Variants in PHTF2 observed in about 807,000 individuals in gnomAD.
The protein encoded by PHTF2 is protein PHTF2.
PHTF2 carries 60 observed loss-of-function variants against 101.2 expected under a neutral mutation model. That is an observed-to-expected ratio of 0.59 (90% CI 0.48 to 0.73). PHTF2 has a LOEUF of 0.73. Ranked by LOEUF, PHTF2 falls within the 30% of genes least tolerant of loss-of-function variation. The pLI, the probability that PHTF2 is intolerant of heterozygous loss-of-function variation, is 0.00. For synonymous variants in PHTF2, 311 were observed against 307.3 expected (o/e 1.01, Z -0.13); for missense variants, 747 against 908.7 (o/e 0.82, Z 2.29).
chr7:77,819,754 G>A (rs1794127171), intron 1 of PHTF2, among the ~76,000 whole-genome samples: 1 of 152,154 alleles, frequency 6.6e-6, no homozygotes, highest in Non-Finnish European at 1.5e-5. Context: ...CTCATAGAAT[G>A]AGTTAGGAAG....
intron 12 of PHTF2, among the ~76,000 whole-genome samples, chr7:77,933,693 T>C (rs1804817048): frequency 6.8e-6 from 1 of 147,364 alleles, no homozygotes. Context: ...ATAAGCAGCA[T>C]AAAAGCAGGG....
In PHTF2 at chr7:77,843,502, T is replaced by G. The variant is rs937585619; in HGVS notation, c.45+3202T>G. On this transcript the variant is annotated intron_variant, in intron 2 of 19. Coordinates refer to ENST00000416283, the Ensembl canonical transcript of PHTF2. ...GCCATCTTAGTATTTTCTTTTATCA[T>G]TAGCCTGAGGGTTCCCCTCACTGGC... is the stretch of plus-strand genomic sequence containing the variant. 6.8e-5 allele frequency among the ~76,000 whole-genome samples: 10 copies of G among 147,944 alleles called. No homozygotes were observed. In the East Asian group the frequency reaches 9.8e-4, roughly 15 times the overall value.
chr7:77,832,050 A>G lies in PHTF2; in HGVS notation c.-35-8171A>G, dbSNP rs1266283958. Among the ~76,000 whole-genome samples the G allele has an allele frequency of 2.1e-5, 3 of 145,644 alleles. No individual in the cohort carries two copies. In the East Asian group the frequency reaches 5.9e-4, roughly 29 times the overall value. ...CTCCAGAGATTTTTTTTTTTTTTTT[A>G]GAAAAATAGTTATCACTGGTAGCAC... On this transcript the variant is annotated intron_variant, in intron 1 of 19. Transcript: ENST00000416283.
At chr7:77,818,024 C>G (rs1367398122) in intron 1 of PHTF2, among the ~76,000 whole-genome samples, 1 of 151,410 alleles carries the variant, frequency 6.6e-6, no homozygotes, top group African/African-American at 2.4e-5. Flanking sequence ...GCAGGAGAAT[C>G]TCTTCAAACT....
chr7:77,830,290 C>T (rs1240259973), intron 1 of PHTF2, among the ~76,000 whole-genome samples: 1 of 152,126 alleles, frequency 6.6e-6, no homozygotes, highest in Admixed American at 6.6e-5. Context: ...CCTATATTTG[C>T]TGTGTTTTTT....
intron 3 of PHTF2, among the ~76,000 whole-genome samples, chr7:77,889,248 G>A (rs1800146310): frequency 1.3e-5 from 2 of 152,198 alleles, no homozygotes; most frequent in East Asian, 3.8e-4. Context: ...TATCCTGCCA[G>A]CTGGGAATAA....
intron 1 of PHTF2, among the ~76,000 whole-genome samples, chr7:77,799,552 T>TG (rs756793103): frequency 1.3e-5 from 2 of 152,202 alleles, no homozygotes; most frequent in Non-Finnish European, 2.9e-5. Context: ...GCTTAAGGCA[T>TG]GGGCCTTAAG....
intron 2 of PHTF2, among the ~76,000 whole-genome samples, chr7:77,854,012 GT>G (rs942857655): frequency 2.0e-5 from 3 of 152,188 alleles, no homozygotes; most frequent in African/African-American, 7.2e-5. Context: ...GTTCATTGAT[GT>G]TTGGACATTG....
In PHTF2 at chr7:77,949,748, T is replaced by TA; in HGVS notation, c.2032dup (p.Thr678AsnfsTer16). ...GAATTGGTAATCTGGTGCATCTCGT[T>TA]AACACTTTTTCTCCTAAGATTTGTT... On this transcript the variant is annotated frameshift_variant, in exon 17 of 20. Transcript: ENST00000416283. LOFTEE classifies it high-confidence loss of function. 1 of 1,554,342 alleles carries TA rather than the reference T, an allele frequency of 6.4e-7. No homozygotes were observed. The highest frequency in any genetic ancestry group is 1.2e-5 in the South Asian group (1 of 86,494).
At chr7:77,868,633 T>C (rs1798270454) in intron 3 of PHTF2, among the ~76,000 whole-genome samples, 1 of 152,204 alleles carries the variant, frequency 6.6e-6, no homozygotes, top group African/African-American at 2.4e-5. Context: ...TTGAAACGGT[T>C]TCTGCTACTA....
At chr7:77,867,038 T>G (rs552761157) in intron 3 of PHTF2, among the ~76,000 whole-genome samples, 84 of 152,354 alleles carry the variant, frequency 5.5e-4, no homozygotes, top group African/African-American at 2.0e-3. Flanking sequence ...GCATGTCTGT[T>G]CCTGTTGTTT....
At chr7:77,841,893 C>A (rs1795914122) in intron 2 of PHTF2, among the ~76,000 whole-genome samples, 1 of 152,132 alleles carries the variant, frequency 6.6e-6, no homozygotes. Flanking sequence ...TTTCTCTTTC[C>A]TAATTTCTAT....
intron 7 of PHTF2, among the ~76,000 whole-genome samples, chr7:77,904,715 C>T (rs920106551): frequency 1.3e-5 from 2 of 152,212 alleles, no homozygotes; most frequent in Non-Finnish European, 2.9e-5. Flanking sequence ...CTTACACTTA[C>T]GAATCTGTTT....
At chr7:77,951,802 G>A (rs1433946475) in intron 18 of PHTF2, 90 bp downstream of exon 17, 4 of 611,476 alleles carry the variant, frequency 6.5e-6, no homozygotes, top group Non-Finnish European at 1.1e-5. Flanking sequence ...CTTTGTATGT[G>A]GTTTTCATGA....
chr7:77,868,824 C>T (rs1326146670), intron 3 of PHTF2, among the ~76,000 whole-genome samples: 1 of 152,116 alleles, frequency 6.6e-6, no homozygotes, highest in African/African-American at 2.4e-5. Context: ...AGTTTCCTCA[C>T]GTTTAAAAGG....
intron 3 of PHTF2, among the ~76,000 whole-genome samples, chr7:77,875,599 C>T (rs149396327): frequency 8.7e-4 from 132 of 151,468 alleles, no homozygotes; most frequent in African/African-American, 3.0e-3. Flanking sequence ...GCTGTGTTGC[C>T]CAGGCTGGAG....
intron 16 of PHTF2, 113 bp from the exon 16 acceptor site, chr7:77,949,565 A>G: frequency 1.6e-6 from 1 of 614,574 alleles, no homozygotes; most frequent in Non-Finnish European, 2.8e-6. Context: ...TAATTAATGT[A>G]GAATGTTTCT....
intron 16 of PHTF2, among the ~76,000 whole-genome samples, chr7:77,945,600 A>G (rs1316745857): frequency 1.3e-5 from 2 of 152,198 alleles, no homozygotes; most frequent in African/African-American, 2.4e-5. Context: ...TTAAAACCAT[A>G]CAAATAATAC....
chr7:77,836,549 C>G (rs1379457955), intron 1 of PHTF2, among the ~76,000 whole-genome samples: 1 of 152,086 alleles, frequency 6.6e-6, no homozygotes, highest in Non-Finnish European at 1.5e-5. Flanking sequence ...TGGCACTGTT[C>G]ACAATAGCAA....
Sources: gnomAD v4.1 joint callset for allele counts (sites outside exome capture counted in the v4.1 genomes callset) on GRCh38, gnomAD v4.1.1 for gene constraint, MANE v1.5 for transcripts, NCBI Gene and HGNC (gene_info 2026-07-23, HGNC 2026-07-21) for gene names.